FOXP1: variants seen among roughly 807,000 people sequenced by gnomAD.
The protein encoded by FOXP1 is forkhead box protein P1.
Under a neutral mutation model 98.2 loss-of-function variants are expected in FOXP1, and 15 were observed. That is an observed-to-expected ratio of 0.15 (90% CI 0.10 to 0.24). The LOEUF (loss-of-function observed/expected upper bound fraction) is 0.24, where lower values mean the gene tolerates loss of function less well. FOXP1 is among the 10% of genes least tolerant of loss of function. The probability of loss-of-function intolerance (pLI) is 1.00; values close to 1 mark genes in which losing one functional copy is unlikely to be tolerated. For missense variants in FOXP1, 633 were observed against 848.5 expected, an observed-to-expected ratio of 0.75 and a Z score of 3.15; for synonymous variants, 371 against 314.5, an observed-to-expected ratio of 1.18 and a Z score of -1.90.
intron 3 of FOXP1, among the ~76,000 whole-genome samples, chr3:71,473,225 TTACCTAGGTACA>T (rs1425912462): frequency 6.6e-6 from 1 of 152,134 alleles, no homozygotes; most frequent in Non-Finnish European, 1.5e-5. Flanking sequence ...ATGGAATAAT[TTACCTAGGTACA>T]TACAGCTAGG....
chr3:71,173,008 A>C (rs1342241557), intron 6 of FOXP1, among the ~76,000 whole-genome samples: 1 of 152,206 alleles, frequency 6.6e-6, no homozygotes, highest in Non-Finnish European at 1.5e-5. Flanking sequence ...GCTTCAAATC[A>C]CAGGGTAAGT....
At chr3:71,029,153 A>C (rs2046521988) in intron 11 of FOXP1, among the ~76,000 whole-genome samples, 1 of 152,176 alleles carries the variant, frequency 6.6e-6, no homozygotes, top group Admixed American at 6.5e-5. Context: ...AAGTACTCTT[A>C]ATGGGTTCTT....
At chr3:71,562,533 A>T (rs145354018) in intron 2 of FOXP1, among the ~76,000 whole-genome samples, 90 of 152,330 alleles carry the variant, frequency 5.9e-4, no homozygotes, top group African/African-American at 2.0e-3. Context: ...CAACAGAGTC[A>T]TAAGCGCTAA....
chr3:71,040,593 C>A (rs1177750628), intron 11 of FOXP1, among the ~76,000 whole-genome samples: 1 of 152,162 alleles, frequency 6.6e-6, no homozygotes, highest in Admixed American at 6.5e-5. Context: ...TATTCTGGAT[C>A]TCTAAAACAA....
intron 5 of FOXP1, among the ~76,000 whole-genome samples, chr3:71,220,808 G>T (rs1384697895): frequency 6.7e-6 from 1 of 149,266 alleles, no homozygotes; most frequent in African/African-American, 2.5e-5. Flanking sequence ...GAGGAGAAAA[G>T]AAGGGTCCTC....
chr3:71,128,294 C>A (rs1360441150), intron 6 of FOXP1, among the ~76,000 whole-genome samples: 1 of 121,160 alleles, frequency 8.3e-6, no homozygotes, highest in Non-Finnish European at 1.7e-5. Flanking sequence ...GCCATGCAAA[C>A]CCCACTTGAG....
At chr3:71,086,365 A>C (rs1296691571) in intron 7 of FOXP1, among the ~76,000 whole-genome samples, 1 of 152,208 alleles carries the variant, frequency 6.6e-6, no homozygotes, top group Non-Finnish European at 1.5e-5. Flanking sequence ...ATTTCATATT[A>C]AGGAAATCTG....
rs186229185 is a variant in FOXP1, at chr3:71,152,978, C to T, written c.181-40341G>A. ...TGACAAACTTTCCATCCCTTCCCCA[C>T]CCATGTGTACGGCAGGCACTCCCAA... is the stretch of plus-strand genomic sequence containing the variant. On this transcript the variant is annotated intron_variant, in intron 6 of 20. Transcript: ENST00000649528. 9.5e-4 allele frequency among the ~76,000 whole-genome samples: 145 copies of T among 152,324 alleles called. 1 individual carries two copies. The highest frequency in any genetic ancestry group is 2.3e-3 in the Admixed American group (35 of 15,300).
chr3:71,438,817 A>G (rs1402830950), intron 3 of FOXP1, among the ~76,000 whole-genome samples: 1 of 151,934 alleles, frequency 6.6e-6, no homozygotes, highest in Non-Finnish European at 1.5e-5. Context: ...GTTTTCTTAC[A>G]CTGAGAATGT....
At chr3:71,055,148 A>G (rs1171526522) in intron 7 of FOXP1, among the ~76,000 whole-genome samples, 1 of 152,200 alleles carries the variant, frequency 6.6e-6, no homozygotes, top group Non-Finnish European at 1.5e-5. Context: ...TTGCATAGCG[A>G]GCTCTCATTC....
chr3:71,172,450 A>C (rs1560060598), intron 6 of FOXP1, among the ~76,000 whole-genome samples: 1 of 152,226 alleles, frequency 6.6e-6, no homozygotes, highest in Non-Finnish European at 1.5e-5. Flanking sequence ...AATAATGGTG[A>C]CACCTACATT....
chr3:71,179,482 G>C (rs982864323), intron 6 of FOXP1, among the ~76,000 whole-genome samples: 1 of 152,088 alleles, frequency 6.6e-6, no homozygotes, highest in Non-Finnish European at 1.5e-5. Flanking sequence ...AAGAGGGGAG[G>C]AGTTAGAAAA....
chr3:71,269,513 T>C (rs1296539410), intron 5 of FOXP1, among the ~76,000 whole-genome samples: 8 of 152,276 alleles, frequency 5.3e-5, no homozygotes, highest in African/African-American at 1.9e-4. Context: ...GCCTCCCCAC[T>C]CTTCTAAGTA....
chr3:71,280,140 A>C (rs1027231337), intron 5 of FOXP1, among the ~76,000 whole-genome samples: 12 of 151,276 alleles, frequency 7.9e-5, no homozygotes, highest in African/African-American at 2.7e-4. Context: ...AAAAAAAAAA[A>C]AAAAAAAAAT....
At chr3:71,198,991 A>G (rs912709799) in intron 5 of FOXP1, among the ~76,000 whole-genome samples, 1 of 152,126 alleles carries the variant, frequency 6.6e-6, no homozygotes, top group African/African-American at 2.4e-5. Flanking sequence ...GCCGGGCCCA[A>G]GATTAAATTT....
chr3:71,269,509 C>T (rs1287382692), intron 5 of FOXP1, among the ~76,000 whole-genome samples: 1 of 152,116 alleles, frequency 6.6e-6, no homozygotes, highest in Non-Finnish European at 1.5e-5. Flanking sequence ...ACTGGCCTCC[C>T]CACTCTTCTA....
intron 4 of FOXP1, among the ~76,000 whole-genome samples, chr3:71,325,796 C>T (rs2075655906): frequency 6.6e-6 from 1 of 152,126 alleles, no homozygotes; most frequent in Admixed American, 6.6e-5. Context: ...CTTCCCACCT[C>T]CTCCCCACAA....
At chr3:71,076,292 T>G (rs914016039) in intron 7 of FOXP1, among the ~76,000 whole-genome samples, 3 of 152,168 alleles carry the variant, frequency 2.0e-5, no homozygotes, top group African/African-American at 7.2e-5. Context: ...CCCAACTAAC[T>G]CGAAGGAAGA....
At chr3:70,979,279 CAAAAAAA>C (rs544916383) in intron 14 of FOXP1, among the ~76,000 whole-genome samples, 115 of 42,472 alleles carry the variant, frequency 2.7e-3, no homozygotes, top group African/African-American at 0.014. Context: ...GACTCTACCT[CAAAAAAA>C]AAAAAAAAAA....
Sources: gnomAD v4.1 joint callset for allele counts (sites outside exome capture counted in the v4.1 genomes callset) on GRCh38, gnomAD v4.1.1 for gene constraint, MANE v1.5 for transcripts, NCBI Gene and HGNC (gene_info 2026-07-23, HGNC 2026-07-21) for gene names.